The following LARP4B variants were observed in gnomAD, a reference collection of about 807,000 sequenced individuals.
LARP4B encodes la-related protein 4B.
Under a neutral mutation model 89.8 loss-of-function variants are expected in LARP4B, and 12 were observed. That is an observed-to-expected ratio of 0.13 (90% CI 0.09 to 0.22). The LOEUF is 0.22. LARP4B is among the 10% of genes least tolerant of loss of function. The probability of loss-of-function intolerance (pLI) is 1.00; values close to 1 mark genes in which losing one functional copy is unlikely to be tolerated. For missense variants in LARP4B, 757 were observed against 947.7 expected, an observed-to-expected ratio of 0.80 and a Z score of 2.64; for synonymous variants, 367 against 363.3, an observed-to-expected ratio of 1.01 and a Z score of -0.12.
chr10:953,715 T>C, the LARP4B span, among the ~76,000 whole-genome samples: 1 of 152,152 alleles, frequency 6.6e-6, no homozygotes, highest in East Asian at 1.9e-4. Flanking sequence ...TGGGCCCCAG[T>C]GTGTAATTGG....
At chr10:907,923 AGGCTG>A (rs1175677172) in intron 1 of LARP4B, among the ~76,000 whole-genome samples, 1 of 152,188 alleles carries the variant, frequency 6.6e-6, no homozygotes, top group Non-Finnish European at 1.5e-5. Context: ...CAAAAACCCT[AGGCTG>A]GGTGCGGTGG....
At chr10:877,317 G>T (rs1175795398) in intron 3 of LARP4B, among the ~76,000 whole-genome samples, 3 of 152,072 alleles carry the variant, frequency 2.0e-5, no homozygotes, top group Admixed American at 6.6e-5. Flanking sequence ...AAAGTTCAAG[G>T]CTGCAGTGAG....
chr10:978,938 C>A, the LARP4B span, among the ~76,000 whole-genome samples: 2 of 151,992 alleles, frequency 1.3e-5, no homozygotes, highest in Non-Finnish European at 2.9e-5. Context: ...TCCCACCCCC[C>A]CTCCTTAATA....
intron 1 of LARP4B, among the ~76,000 whole-genome samples, chr10:909,099 C>T (rs1428489686): frequency 6.6e-6 from 1 of 151,874 alleles, no homozygotes; most frequent in Non-Finnish European, 1.5e-5. Flanking sequence ...TCAAGATCAT[C>T]CTGGCTAACA....
At chr10:881,924 A>G (rs1270205318) in intron 3 of LARP4B, among the ~76,000 whole-genome samples, 1 of 152,164 alleles carries the variant, frequency 6.6e-6, no homozygotes, top group Non-Finnish European at 1.5e-5. Flanking sequence ...ACTTGCACTC[A>G]GTTTTGATGA....
chr10:861,972 T>A (rs574540355), intron 5 of LARP4B, among the ~76,000 whole-genome samples: 2 of 152,336 alleles, frequency 1.3e-5, no homozygotes, highest in African/African-American at 4.8e-5. Context: ...TTAAATTCAA[T>A]GGACTCTAAC....
intron 1 of LARP4B, among the ~76,000 whole-genome samples, chr10:892,398 G>T (rs1159807645): frequency 1.3e-5 from 2 of 152,120 alleles, no homozygotes; most frequent in African/African-American, 4.8e-5. Context: ...TTCTTTTCAT[G>T]TACACCAGAA....
chr10:836,350 A>G, intron 8 of LARP4B, 53 bp downstream of exon 8: 1 of 1,284,548 alleles, frequency 7.8e-7, no homozygotes, highest in Non-Finnish European at 1.1e-6. Context: ...ATCAAAACCA[A>G]CAAAGACCTT....
At chr10:890,673 C>G (rs1251705905) in intron 1 of LARP4B, among the ~76,000 whole-genome samples, 1 of 152,024 alleles carries the variant, frequency 6.6e-6, no homozygotes, top group Admixed American at 6.6e-5. Flanking sequence ...ATCCCTGGAG[C>G]AAATTGTGAT....
At chr10:980,521 G>A in the LARP4B span, among the ~76,000 whole-genome samples, 4 of 152,338 alleles carry the variant, frequency 2.6e-5, no homozygotes, top group South Asian at 8.3e-4. Flanking sequence ...CTTCATCCTT[G>A]CATTCTGTGC....
chr10:933,825 G>T (rs1466957305), upstream of LARP4B, among the ~76,000 whole-genome samples: 1 of 151,682 alleles, frequency 6.6e-6, no homozygotes, highest in Non-Finnish European at 1.5e-5. Flanking sequence ...CCCCAAAATT[G>T]GTAGGTTAAA....
At chr10:874,514 G>C (rs1189543052) in intron 3 of LARP4B, among the ~76,000 whole-genome samples, 3 of 152,232 alleles carry the variant, frequency 2.0e-5, no homozygotes, top group Non-Finnish European at 4.4e-5. Flanking sequence ...AGTTGCTCAT[G>C]TACTATGTGG....
At chr10:877,048 C>T (rs1835484132) in intron 3 of LARP4B, among the ~76,000 whole-genome samples, 1 of 152,184 alleles carries the variant, frequency 6.6e-6, no homozygotes, top group East Asian at 1.9e-4. Flanking sequence ...ATGTGGGGAG[C>T]AGAGGTCCGA....
upstream of LARP4B, among the ~76,000 whole-genome samples, chr10:936,111 C>A (rs1344107556): frequency 6.6e-6 from 1 of 152,124 alleles, no homozygotes; most frequent in East Asian, 1.9e-4. Flanking sequence ...CTCAAAAATT[C>A]ATTTTTGATG....
At chr10:935,414 G>A (rs540897161), upstream of LARP4B, among the ~76,000 whole-genome samples, 77 of 152,242 alleles carry the variant, frequency 5.1e-4, 1 homozygote, top group South Asian at 0.016. Flanking sequence ...GCGGAATCTC[G>A]CTTATTTTTC....
At chr10:948,897 C>T in the LARP4B span, among the ~76,000 whole-genome samples, 1 of 152,192 alleles carries the variant, frequency 6.6e-6, no homozygotes, top group Non-Finnish European at 1.5e-5. Context: ...AACCACACAC[C>T]GGTTCAAGGC....
At chr10:887,260 G>A (rs1164677252) in intron 1 of LARP4B, among the ~76,000 whole-genome samples, 3 of 152,096 alleles carry the variant, frequency 2.0e-5, no homozygotes, top group East Asian at 1.9e-4. Flanking sequence ...TTGTACACTC[G>A]AAACTTGCTG....
chr10:972,976 G>A, the LARP4B span: 1 of 424,472 alleles, frequency 2.4e-6, no homozygotes, highest in Non-Finnish European at 4.8e-6. Context: ...CCGTGCAGTA[G>A]GCGTTACCAC....
chr10:829,565 T>C lies in LARP4B; in HGVS notation c.945A>G (p.Ile315Met). ...KARIKAKAIA[I>M]NTFLPKNGFR... Reference sequence around the variant, plus strand: ...ATCCATTCTTTGGCAAAAATGTGTTTATAGCTATTGCCTTTGCTTTTATCC... The same window carrying C: ...ATCCATTCTTTGGCAAAAATGTGTTCATAGCTATTGCCTTTGCTTTTATCC... The change falls in exon 11 of 18, where the codon ATA becomes ATG. Residue 315 changes from isoleucine to methionine, a missense_variant. Coordinates refer to ENST00000316157, the MANE Select transcript of LARP4B (RefSeq NM_015155.3). 1 of 1,614,200 alleles carries C rather than the reference T, an allele frequency of 6.2e-7. No homozygotes were observed. The highest frequency in any genetic ancestry group is 8.5e-7 in the Non-Finnish European group (1 of 1,180,046).
Sources: allele counts gnomAD v4.1 joint callset (sites outside exome capture counted in the v4.1 genomes callset), GRCh38; gene constraint gnomAD v4.1.1; transcripts MANE v1.5; gene names NCBI Gene and HGNC (gene_info 2026-07-23, HGNC 2026-07-21).